Variants in HHLA2 observed in about 807,000 individuals in gnomAD.
HHLA2 encodes HERV-H LTR-associating protein 2.
In HHLA2, 48 loss-of-function variants were observed where a neutral mutation model predicts 45.9. That is an observed-to-expected ratio of 1.05 (90% confidence interval 0.83 to 1.33). The LOEUF is 1.33. Among genes scored for constraint, HHLA2 ranks in the 40% most tolerant of loss-of-function variants. HHLA2 has a pLI of 0.00. For synonymous variants in HHLA2, 161 were observed against 173.9 expected (o/e 0.93, Z 0.59); for missense variants, 462 against 494.3 (o/e 0.93, Z 0.62).
chr3:108,359,818 C>T (rs1160314574), intron 7 of HHLA2, among the ~76,000 whole-genome samples: 1 of 152,032 alleles, frequency 6.6e-6, no homozygotes, highest in Non-Finnish European at 1.5e-5. Flanking sequence ...GGATATGTTC[C>T]AAGACCCCCA....
At chr3:108,377,007 C>A in intron 10 of HHLA2, 2 of 467,552 alleles carry the variant, frequency 4.3e-6, no homozygotes, top group Non-Finnish European at 7.7e-6. Flanking sequence ...TAAATAAGGG[C>A]CAGGAGTGTG....
At chr3:108,367,323 C>T (rs186458983) in intron 8 of HHLA2, among the ~76,000 whole-genome samples, 2 of 152,158 alleles carry the variant, frequency 1.3e-5, no homozygotes, top group East Asian at 3.9e-4. Context: ...TAACTCCTCT[C>T]CAGCAAGAGC....
At chr3:108,330,155 C>G (rs762407063) in intron 3 of HHLA2, among the ~76,000 whole-genome samples, 7 of 152,122 alleles carry the variant, frequency 4.6e-5, no homozygotes, top group African/African-American at 1.7e-4. Context: ...AAAATGGAAG[C>G]CACAGTGTCT....
chr3:108,330,158 C>T (rs1021519791), intron 3 of HHLA2, among the ~76,000 whole-genome samples: 1 of 152,144 alleles, frequency 6.6e-6, no homozygotes, highest in Non-Finnish European at 1.5e-5. Context: ...ATGGAAGCCA[C>T]AGTGTCTTTT....
chr3:108,370,586 T>C (rs963690027), intron 8 of HHLA2, among the ~76,000 whole-genome samples: 1 of 151,700 alleles, frequency 6.6e-6, no homozygotes, highest in African/African-American at 2.4e-5. Flanking sequence ...TGAAAAAAAA[T>C]TAGGTGAATG....
intron 1 of HHLA2, 95 bp downstream of exon 1, chr3:108,296,694 C>T (rs1261421292): frequency 6.6e-6 from 1 of 152,056 alleles, no homozygotes; most frequent in Non-Finnish European, 1.5e-5. Flanking sequence ...CTTTATTTTC[C>T]CGTTAGGAAA....
At chr3:108,297,958 A>C (rs1430517944) in intron 1 of HHLA2, among the ~76,000 whole-genome samples, 1 of 152,198 alleles carries the variant, frequency 6.6e-6, no homozygotes, top group African/African-American at 2.4e-5. Context: ...AAATTCCCAG[A>C]GACTTGCCTA....
intron 1 of HHLA2, among the ~76,000 whole-genome samples, chr3:108,310,163 C>T (rs555052708): frequency 5.7e-4 from 87 of 151,854 alleles, no homozygotes; most frequent in African/African-American, 1.9e-3. Context: ...ATTCTTATAC[C>T]GCTTATATTT....
At chr3:108,300,341 T>C (rs2080829571) in intron 1 of HHLA2, among the ~76,000 whole-genome samples, 1 of 152,134 alleles carries the variant, frequency 6.6e-6, no homozygotes, top group Non-Finnish European at 1.5e-5. Context: ...CTGTATGCCT[T>C]TGTTTCATAG....
At chr3:108,374,274 A>G (rs1229431721) in intron 8 of HHLA2, among the ~76,000 whole-genome samples, 6 of 151,486 alleles carry the variant, frequency 4.0e-5, no homozygotes, top group Non-Finnish European at 8.9e-5. Context: ...CTGGCTAGCC[A>G]TATGTAGAAA....
intron 2 of HHLA2, among the ~76,000 whole-genome samples, chr3:108,321,840 A>C (rs186463891): frequency 6.6e-6 from 1 of 152,066 alleles, no homozygotes; most frequent in East Asian, 1.9e-4. Flanking sequence ...ACTGTCTAGG[A>C]GACAGTCTCT....
At position 108,355,249 on chromosome 3, in the gene HHLA2, G is replaced by A. The variant is rs1452969874; in HGVS notation, c.553G>A (p.Glu185Lys). 10 of 1,613,882 alleles carry A rather than the reference G, an allele frequency of 6.2e-6. No individual in the cohort carries two copies. The East Asian group carries it at 2.2e-4, about 36-fold the overall frequency. Residue 185 changes from glutamate to lysine, a missense_variant, in exon 6 of 11, where the codon GAA (glutamate) becomes AAA (lysine). Glu to Lys is a moderately conservative substitution (Grantham distance 56, BLOSUM62 1). Around this residue, in one of 3 missense-constraint regions of HHLA2, gnomAD observed 335 missense variants for 367.4 expected, o/e 0.91. Coordinates refer to ENST00000619531, the Ensembl canonical transcript of HHLA2. Reference sequence around the variant, plus strand: ...CACACCTATCTCTGAAAACAACATGGAAGAAACAGGGTCTTTGGATTCTTT... The same window carrying A: ...CACACCTATCTCTGAAAACAACATGAAAGAAACAGGGTCTTTGGATTCTTT...
intron 9 of HHLA2, among the ~76,000 whole-genome samples, chr3:108,376,167 C>T (rs888338088): frequency 1.3e-5 from 2 of 152,310 alleles, no homozygotes; most frequent in Non-Finnish European, 1.5e-5. Context: ...TTAACCATCA[C>T]TCTCATCCCC....
chr3:108,310,551 A>T (rs1313161549), intron 1 of HHLA2, 104 bp from the exon 2 acceptor site: 1 of 152,598 alleles, frequency 6.6e-6, no homozygotes, highest in Admixed American at 6.5e-5. Context: ...TCTGATTCTC[A>T]CAAGTCATTA....
At chr3:108,321,959 T>A (rs2107347679) in intron 2 of HHLA2, among the ~76,000 whole-genome samples, 1 of 152,326 alleles carries the variant, frequency 6.6e-6, no homozygotes, top group South Asian at 2.1e-4. Context: ...TGAATGTAAC[T>A]TTTTCTTATC....
At chr3:108,372,974 T>TA (rs147068756) in intron 8 of HHLA2, among the ~76,000 whole-genome samples, 25,012 of 152,160 alleles carry the variant, frequency 0.16, 2,672 homozygotes, top group Non-Finnish European at 0.24. Flanking sequence ...CCCTAACTCA[T>TA]TTTATGAGGC....
chr3:108,338,836 A>G (rs533588129), intron 3 of HHLA2, among the ~76,000 whole-genome samples: 40 of 152,242 alleles, frequency 2.6e-4, no homozygotes, highest in African/African-American at 8.9e-4. Flanking sequence ...ACAGGGAGGG[A>G]GAGTTGTCCT....
chr3:108,307,258 G>GTGCT (rs2080945425), intron 1 of HHLA2, among the ~76,000 whole-genome samples: 1 of 151,954 alleles, frequency 6.6e-6, no homozygotes. Context: ...TGTATATGTT[G>GTGCT]TGCTTTTTCA....
chr3:108,298,476 A>G lies in HHLA2; in HGVS notation c.-192+1877A>G, dbSNP rs545443478. Among the ~76,000 whole-genome samples the G allele has an allele frequency of 3.9e-4, 59 of 152,334 alleles. No homozygotes were observed. In the South Asian group the frequency reaches 0.012, roughly 32 times the overall value. The stretch of plus-strand genomic sequence containing the variant: ...ATCCTTCTAATTTAGCCCCAACTAA[A>G]GTTTCCAGTATATATTTGCAGGCCC... On this transcript the variant is annotated intron_variant, in intron 1 of 10. Transcript: ENST00000619531.
Sources: gnomAD v4.1 joint callset for allele counts (sites outside exome capture counted in the v4.1 genomes callset) on GRCh38, gnomAD v4.1.1 for gene constraint, gnomAD v4.1.1 regional missense constraint, MANE v1.5 for transcripts, NCBI Gene and HGNC (gene_info 2026-07-23, HGNC 2026-07-21) for gene names.